The following COL7A1 variants were observed in gnomAD, a reference collection of about 807,000 sequenced individuals.
COL7A1 encodes the protein collagen type VII alpha 1 chain, also known as collagen alpha-1(VII) chain.
Under a neutral mutation model 456.2 loss-of-function variants are expected in COL7A1, and 296 were observed. The observed-to-expected ratio is 0.65, with a 90% CI of 0.59 to 0.71. COL7A1 has a LOEUF of 0.71. Ranked by LOEUF, COL7A1 falls within the 30% of genes least tolerant of loss-of-function variation. The pLI, the probability that COL7A1 is intolerant of heterozygous loss-of-function variation, is 0.00. For synonymous variants in COL7A1, 1,464 were observed against 1,525.9 expected, an observed-to-expected ratio of 0.96 and a Z score of 0.95; for missense variants, 3,441 against 4,017.2, an observed-to-expected ratio of 0.86 and a Z score of 3.88.
At position 48,569,914 on chromosome 3, in the gene COL7A1, C is replaced by A. The variant is rs1322038686; in HGVS notation, c.7487G>T (p.Gly2496Val). The A allele has an allele frequency of 6.2e-7, 1 of 1,614,090 alleles. No homozygotes were observed. ...PGQEGPRGLT[G>V]PPGSRGERGE... ...ACGCTCTCCCCTGCTGCCAGGGGGC[C>A]CCTGTGTGAGAGAAGGTGACCGTGA... The change falls in exon 100 of 119, where the codon GGG becomes GTG. Residue 2496 changes from glycine to valine, a missense_variant and splice_region_variant. Around this residue, in one of 3 missense-constraint regions of COL7A1, gnomAD observed 2,084 missense variants for 2,501.3 expected, o/e 0.83. Transcript: ENST00000681320. The surrounding 1 kb of genome is among the most constrained non-coding windows in gnomAD (Gnocchi z 4.9).
chr3:48,592,454 C>T lies in COL7A1; in HGVS notation c.990G>A (p.Gly330=). ...TGGTATTCTGGATGGTCAGTTCCGG[C>T]CCTTCTAGGGCAGCTGGGGGAGAGT... The part of the protein sequence containing the change: ...SGTARTTALE[G]PELTIQNTTA... The change falls in exon 9 of 119, where the codon GGG becomes GGA. Residue 330 remains glycine, a synonymous_variant. Coordinates refer to ENST00000681320, the MANE Select transcript of COL7A1 (RefSeq NM_000094.4). The surrounding 1 kb of genome is among the most constrained non-coding windows in gnomAD (Gnocchi z 7.6). The T allele has an allele frequency of 6.2e-7, 1 of 1,613,694 alleles. No homozygotes were observed. The highest frequency in any genetic ancestry group is 1.7e-4 in the Middle Eastern group (1 of 6,060).
In COL7A1 at chr3:48,579,325, G is replaced by A; in HGVS notation, c.5307+44C>T. ...AGGCCACCAAGGCTGAGGTGGATCTGATAACCCAGGCTCATGTCCTGAGAA... is the reference window on the plus strand; with the variant it reads ...AGGCCACCAAGGCTGAGGTGGATCTAATAACCCAGGCTCATGTCCTGAGAA... On this transcript the variant is annotated intron_variant, in intron 61 of 118. Transcript: ENST00000681320. The surrounding 1 kb of genome is among the most constrained non-coding windows in gnomAD (Gnocchi z 4.4). The A allele has an allele frequency of 6.2e-7, 1 of 1,614,154 alleles. No homozygotes were observed. Among genetic ancestry groups the A allele is most frequent in the Non-Finnish European group, 8.5e-7 (1 of 1,180,014 alleles).
rs768651065 is a variant in COL7A1 at position 48,583,413 on chromosome 3, G to A, written c.4417C>T (p.Pro1473Ser). The A allele has an allele frequency of 1.2e-6, 2 of 1,614,072 alleles. No individual in the cohort carries two copies. The highest frequency in any genetic ancestry group is 1.7e-6 in the Non-Finnish European group (2 of 1,180,026). Residue 1473 changes from proline to serine, a missense_variant, in exon 42 of 119, where the codon CCT becomes TCT. Pro to Ser is a moderately conservative substitution (Grantham distance 74). Around this residue, in one of 3 missense-constraint regions of COL7A1, gnomAD observed 2,084 missense variants for 2,501.3 expected, o/e 0.83. Coordinates refer to ENST00000681320, the MANE Select transcript of COL7A1 (RefSeq NM_000094.4). The surrounding 1 kb of genome is among the most constrained non-coding windows in gnomAD (Gnocchi z 5.1). ...SPGEQGPRGP[P>S]GAIGPKGDRG... ...CTCACTTTGGGGCCAATAGCTCCAGGAGGTCCCCGTGGGCCCTGGAAGGGA... is the reference window on the plus strand; with the variant it reads ...CTCACTTTGGGGCCAATAGCTCCAGAAGGTCCCCGTGGGCCCTGGAAGGGA...
rs886733900 is a variant in COL7A1 at position 48,594,184 on chromosome 3, G to A, written c.266+184C>T. ...GTAGCCTGGAGGTGCCTCAGGGCAC[G>A]AAGGTTCTACCTAGGGAATCCTTAC... is the stretch of plus-strand genomic sequence containing the variant. On this transcript the variant is annotated intron_variant, in intron 3 of 118. Transcript: ENST00000681320. The surrounding 1 kb of genome is among the most constrained non-coding windows in gnomAD (Gnocchi z 5.5). Among the ~76,000 whole-genome samples, 8 of 152,220 alleles carry A rather than the reference G, an allele frequency of 5.3e-5. No individual in the cohort carries two copies. The highest frequency in any genetic ancestry group is 4.6e-4 in the Admixed American group (7 of 15,286).
At position 48,573,998 on chromosome 3, in the gene COL7A1, C is replaced by T. The variant is rs2044112180; in HGVS notation, c.6502-108G>A. The T allele has an allele frequency of 2.1e-6, 3 of 1,418,702 alleles. No homozygotes were observed. The highest frequency in any genetic ancestry group is 1.4e-5 in the African/African-American group (1 of 70,348). 87.9% of individuals were successfully genotyped at this position (1,418,702 alleles called of 1,614,324 possible). ...GTCAATTTCCATACCTCACCCTTTC[C>T]AGTCACAGATAATACCTACCCATGG... On this transcript the variant is annotated intron_variant, in intron 80 of 118. Transcript: ENST00000681320. The surrounding 1 kb of genome is among the most constrained non-coding windows in gnomAD (Gnocchi z 5.5).
In COL7A1 at chr3:48,581,832, C is replaced by T; in HGVS notation, c.4669-73G>A. On this transcript the variant is annotated intron_variant, in intron 48 of 118. Coordinates refer to ENST00000681320, the MANE Select transcript of COL7A1 (RefSeq NM_000094.4). This position sits in a 1 kb window ranked among gnomAD's most constrained non-coding sequence, Gnocchi z 5.8. ...CCCCTGACCCAGCAAGTCCTGTGAC[C>T]CCCCAAGTCCCATAGATAGGCCCTA... 6.2e-7 allele frequency: 1 copy of T among 1,612,888 alleles called. No homozygotes were observed. The highest frequency in any genetic ancestry group is 1.1e-5 in the South Asian group (1 of 91,046).
Position 48,585,923 on chromosome 3 carries a change from C to T in COL7A1, c.3759+17G>A, listed in dbSNP as rs1232434362. 1.9e-6 allele frequency: 3 copies of T among 1,614,018 alleles called. No homozygotes were observed. The highest frequency in any genetic ancestry group is 2.5e-6 in the Non-Finnish European group (3 of 1,180,042). ...CCAGGTGCAGCCTCTGTTCACCTCT[C>T]GATGAGGGACTCTTACCTTTGGACA... On this transcript the variant is annotated intron_variant, in intron 29 of 118. Transcript: ENST00000681320. This position sits in a 1 kb window ranked among gnomAD's most constrained non-coding sequence, Gnocchi z 4.5.
Position 48,564,695 on chromosome 3 carries a change from TG to T in COL7A1, c.8818+87del. 6.9e-7 allele frequency: 1 copy of T among 1,449,808 alleles called. No homozygotes were observed. The highest frequency in any genetic ancestry group is 9.4e-7 in the Non-Finnish European group (1 of 1,066,670). 89.8% of individuals were successfully genotyped at this position (1,449,808 alleles called of 1,614,324 possible). On this transcript the variant is annotated intron_variant, in intron 118 of 118. Coordinates refer to ENST00000681320, the MANE Select transcript of COL7A1 (RefSeq NM_000094.4). This position sits in a 1 kb window ranked among gnomAD's most constrained non-coding sequence, Gnocchi z 6.0. Reference sequence around the variant, plus strand: ...GAGCGTCTCCTCCAGGACCCTGACCTGGAACCCTGGCCCAAGGACTCCTCCC... The same window carrying T: ...GAGCGTCTCCTCCAGGACCCTGACCTGAACCCTGGCCCAAGGACTCCTCCC...
In COL7A1 at chr3:48,587,304, T is replaced by C. The variant is rs372678698; in HGVS notation, c.3025A>G (p.Ile1009Val). 2 of 1,604,288 alleles carry C rather than the reference T, an allele frequency of 1.2e-6. No individual in the cohort carries two copies. Among genetic ancestry groups the C allele is most frequent in the Non-Finnish European group, 1.7e-6 (2 of 1,175,270 alleles). The change falls in exon 24 of 119, where the codon ATC (isoleucine) becomes GTC (valine). Residue 1009 changes from isoleucine to valine, a missense_variant. Physicochemically the swap from Ile to Val is conservative, Grantham distance 29. This residue lies in a region of COL7A1 where 444 missense variants were observed against 427.6 expected (regional missense o/e 1.04). Coordinates refer to ENST00000681320, the MANE Select transcript of COL7A1 (RefSeq NM_000094.4). This position sits in a 1 kb window ranked among gnomAD's most constrained non-coding sequence, Gnocchi z 6.1. The part of the protein sequence containing the change: ...VPGSPQTLPG[I>V]SSSQRVTGLE... The stretch of plus-strand genomic sequence containing the variant: ...CCTGTCACCCGCTGGGAGCTTGAGA[T>C]CCCTGGAAGTGTCTGCGGGGACCCA...
Position 48,579,253 on chromosome 3 carries a change from C to G in COL7A1, c.5332G>C (p.Asp1778His), listed in dbSNP as rs1282850984. 1.2e-6 allele frequency: 2 copies of G among 1,613,944 alleles called. No individual in the cohort carries two copies. The highest frequency in any genetic ancestry group is 1.7e-6 in the Non-Finnish European group (2 of 1,180,022). The stretch of plus-strand genomic sequence containing the variant: ...TTCCCATCCAGTCCGCTCCGGCCAT[C>G]CAGCCCAGGGGGACCCCGGTCACCC... ...EKGDRGPPGL[D>H]GRSGLDGKPG... The change falls in exon 62 of 119, where the codon GAT becomes CAT. Residue 1778 changes from aspartate to histidine, a missense_variant. Physicochemically the swap from Asp to His is moderately conservative, Grantham distance 81 (BLOSUM62 -1). Coordinates refer to ENST00000681320, the MANE Select transcript of COL7A1 (RefSeq NM_000094.4). This position sits in a 1 kb window ranked among gnomAD's most constrained non-coding sequence, Gnocchi z 4.4.
In COL7A1 at chr3:48,567,288, C is replaced by T. The variant is rs971569686; in HGVS notation, c.8047-98G>A. ...TGAGCTCCCTGGCCTAATGCCCAAA[C>T]CTTCTGTAACCCAAGCACCTGTGAG... is the stretch of plus-strand genomic sequence containing the variant. On this transcript the variant is annotated intron_variant, in intron 109 of 118. Transcript: ENST00000681320. The surrounding 1 kb of genome is among the most constrained non-coding windows in gnomAD (Gnocchi z 4.3). The T allele has an allele frequency of 1.4e-6, 2 of 1,459,850 alleles. No individual in the cohort carries two copies. The highest frequency in any genetic ancestry group is 1.9e-6 in the Non-Finnish European group (2 of 1,050,896). The allele number at this position is 1,459,850 out of a possible 1,614,324, so 90.4% of individuals were successfully genotyped here.
At position 48,572,529 on chromosome 3, in the gene COL7A1, C is replaced by T. The variant is rs1461460130; in HGVS notation, c.6910G>A (p.Gly2304Arg). The T allele has an allele frequency of 2.5e-6, 4 of 1,613,838 alleles. No individual in the cohort carries two copies. Among genetic ancestry groups the T allele is most frequent in the African/African-American group, 1.3e-5 (1 of 74,854 alleles). The change falls in exon 89 of 119, where the codon GGG (glycine) becomes AGG (arginine). Residue 2304 changes from glycine (G) to arginine (R), a missense_variant. Gly to Arg is a moderately radical substitution (Grantham distance 125, BLOSUM62 -2). Coordinates refer to ENST00000681320, the MANE Select transcript of COL7A1 (RefSeq NM_000094.4). The surrounding 1 kb of genome is among the most constrained non-coding windows in gnomAD (Gnocchi z 4.6). The part of the protein sequence containing the change: ...PTGAPGQAVV[G>R]LPGAKGEKGA... ...TTCTCTCCCTTTGCTCCAGGGAGCC[C>T]GACCACAGCCTGTGGGGAATGCTAG... is the stretch of plus-strand genomic sequence containing the variant.
At position 48,569,460 on chromosome 3, in the gene COL7A1, G is replaced by T. The variant is rs773358496; in HGVS notation, c.7615-14C>A. The T allele has an allele frequency of 1.7e-5, 28 of 1,614,010 alleles. No homozygotes were observed. The highest frequency in any genetic ancestry group is 2.4e-5 in the Non-Finnish European group (28 of 1,180,018). ...CCCTCGTTCACCCTGGGTTGGTTTGGGTAAGAAGTCACGGTAAGGGGCTGA... is the reference window on the plus strand; with the variant it reads ...CCCTCGTTCACCCTGGGTTGGTTTGTGTAAGAAGTCACGGTAAGGGGCTGA... On this transcript the variant is annotated splice_polypyrimidine_tract_variant and intron_variant, in intron 102 of 118. Transcript: ENST00000681320. This position sits in a 1 kb window ranked among gnomAD's most constrained non-coding sequence, Gnocchi z 4.9.
In COL7A1 at chr3:48,579,506, C is replaced by T. The variant is rs748652529; in HGVS notation, c.5245G>A (p.Gly1749Arg). 1 of 1,613,918 alleles carries T rather than the reference C, an allele frequency of 6.2e-7. No individual in the cohort carries two copies. ...TGTGGGCCTGGGGGTCCCCGAAACCCTTCAATGCCCTGAGGATAGGGGAGG... is the reference window on the plus strand; with the variant it reads ...TGTGGGCCTGGGGGTCCCCGAAACCTTTCAATGCCCTGAGGATAGGGGAGG... ...PGAPGERGIE[G>R]FRGPPGPQGD... The change falls in exon 60 of 119, where the codon GGG becomes AGG. Residue 1749 changes from glycine (G) to arginine (R), a missense_variant. Gly to Arg is a moderately radical substitution (Grantham distance 125). Transcript: ENST00000681320. The surrounding 1 kb of genome is among the most constrained non-coding windows in gnomAD (Gnocchi z 4.4).
Position 48,590,660 on chromosome 3 carries a change from C to CT in COL7A1, c.1780+12dup. Reference sequence around the variant, plus strand: ...CAGGCAGCTGTCCTCCACAAGCCTCCTGCAGTACTCACCCCGGCGGACAGT... The same window carrying CT: ...CAGGCAGCTGTCCTCCACAAGCCTCCTTGCAGTACTCACCCCGGCGGACAGT... On this transcript the variant is annotated intron_variant, in intron 14 of 118. Coordinates refer to ENST00000681320, the MANE Select transcript of COL7A1 (RefSeq NM_000094.4). This position sits in a 1 kb window ranked among gnomAD's most constrained non-coding sequence, Gnocchi z 4.6. 1 of 1,613,994 alleles carries CT rather than the reference C, an allele frequency of 6.2e-7. No individual in the cohort carries two copies. The highest frequency in any genetic ancestry group is 2.2e-5 in the East Asian group (1 of 44,878).
At position 48,576,876 on chromosome 3, in the gene COL7A1, A is replaced by G; in HGVS notation, c.5604+8T>C. The G allele has an allele frequency of 6.2e-7, 1 of 1,614,030 alleles. No homozygotes were observed. The highest frequency in any genetic ancestry group is 8.5e-7 in the Non-Finnish European group (1 of 1,180,010). ...GGGTCAGAGGTTGCAGAAAACTCCA[A>G]TACTCACTTCTCTCCCAGAGGCGCC... On this transcript the variant is annotated splice_region_variant and intron_variant, in intron 67 of 118. Coordinates refer to ENST00000681320, the MANE Select transcript of COL7A1 (RefSeq NM_000094.4).
In COL7A1 at chr3:48,571,153, G is replaced by C; in HGVS notation, c.7112C>G (p.Pro2371Arg). ...AGGGGAGCCCGGGACCCCGACTCCT[G>C]GGTCACCCTTTGAGGAAAAGAGGCA... ...APGPKGFKGDPGVGVPGSPGP... is the reference protein window; with the variant it reads ...APGPKGFKGDRGVGVPGSPGP... The change falls in exon 94 of 119, where the codon CCA (proline) becomes CGA (arginine). Residue 2371 changes from proline (P) to arginine (R), a missense_variant. Transcript: ENST00000681320. This position sits in a 1 kb window ranked among gnomAD's most constrained non-coding sequence, Gnocchi z 4.6. 6.2e-7 allele frequency: 1 copy of C among 1,614,056 alleles called. No homozygotes were observed. The highest frequency in any genetic ancestry group is 8.5e-7 in the Non-Finnish European group (1 of 1,180,022).
At position 48,585,986 on chromosome 3, in the gene COL7A1, A is replaced by G. The variant is rs1053965424; in HGVS notation, c.3724-11T>C. On this transcript the variant is annotated splice_polypyrimidine_tract_variant and intron_variant, in intron 28 of 118. Transcript: ENST00000681320. The surrounding 1 kb of genome is among the most constrained non-coding windows in gnomAD (Gnocchi z 4.5). The stretch of plus-strand genomic sequence containing the variant: ...GGGCTCTGGCCGGGGCTGCGGACAT[A>G]GGGTCTCTTTGAGGTTGAACATTTC... 3 of 1,613,860 alleles carry G rather than the reference A, an allele frequency of 1.9e-6. No individual in the cohort carries two copies. The highest frequency in any genetic ancestry group is 2.2e-5 in the South Asian group (2 of 91,090).
At position 48,572,301 on chromosome 3, in the gene COL7A1, T is replaced by G; in HGVS notation, c.6978+79A>C. Reference sequence around the variant, plus strand: ...CTGAGGGTCATGAGGGTGGGTAAACTATGGGTCGAAGGTCAGAAGTTAGGC... The same window carrying G: ...CTGAGGGTCATGAGGGTGGGTAAACGATGGGTCGAAGGTCAGAAGTTAGGC... On this transcript the variant is annotated intron_variant, in intron 90 of 118. Transcript: ENST00000681320. This position sits in a 1 kb window ranked among gnomAD's most constrained non-coding sequence, Gnocchi z 4.6. 1 of 1,612,980 alleles carries G rather than the reference T, an allele frequency of 6.2e-7. No individual in the cohort carries two copies. Among genetic ancestry groups the G allele is most frequent in the South Asian group, 1.1e-5 (1 of 91,072 alleles).
Sources: allele counts gnomAD v4.1 joint callset (sites outside exome capture counted in the v4.1 genomes callset), GRCh38; gene constraint gnomAD v4.1.1; regional missense constraint gnomAD v4.1.1; non-coding constraint Gnocchi (gnomAD v3.1); transcripts MANE v1.5; gene names NCBI Gene and HGNC (gene_info 2026-07-23, HGNC 2026-07-21).